Variants in TRDN observed in about 807,000 individuals in gnomAD.
TRDN encodes the protein triadin.
Under a neutral mutation model 149.7 loss-of-function variants are expected in TRDN, and 161 were observed. The observed-to-expected ratio is 1.08, with a 90% CI of 0.95 to 1.23. The LOEUF is 1.23. Ranked by LOEUF, TRDN falls within the 50% of genes most tolerant of loss-of-function variation. The pLI is 0.00. For missense variants in TRDN, 896 were observed against 823.5 expected (o/e 1.09, Z -1.08); for synonymous variants, 294 against 250.5 (o/e 1.17, Z -1.64).
At chr6:123,221,269 A>C (rs1441013962) in intron 40 of TRDN, among the ~76,000 whole-genome samples, 2 of 151,758 alleles carry the variant, frequency 1.3e-5, no homozygotes, top group African/African-American at 2.4e-5. Flanking sequence ...CACTTCAACC[A>C]TTACTTGTAA....
intron 12 of TRDN, among the ~76,000 whole-genome samples, chr6:123,426,613 CAT>C (rs1774128585): frequency 6.6e-6 from 1 of 152,114 alleles, no homozygotes. Flanking sequence ...ATTTGTATAA[CAT>C]ATATTTTCAC....
chr6:123,634,670 A>G (rs1405180489), intron 1 of TRDN, among the ~76,000 whole-genome samples: 2 of 152,026 alleles, frequency 1.3e-5, no homozygotes, highest in Non-Finnish European at 2.9e-5. Context: ...ATATCATCAA[A>G]GAATGACTGT....
chr6:123,365,828 G>T (rs1280989591), intron 20 of TRDN, among the ~76,000 whole-genome samples: 1 of 152,126 alleles, frequency 6.6e-6, no homozygotes, highest in Non-Finnish European at 1.5e-5. Context: ...GCAGTATGTT[G>T]CACTAGAATG....
chr6:123,606,740 A>G (rs1784546200), intron 1 of TRDN, among the ~76,000 whole-genome samples: 1 of 152,180 alleles, frequency 6.6e-6, no homozygotes, highest in Non-Finnish European at 1.5e-5. Context: ...AAAAACTTTT[A>G]TTATGTAGCA....
At chr6:123,585,404 A>T (rs1264442524) in intron 1 of TRDN, among the ~76,000 whole-genome samples, 1 of 152,066 alleles carries the variant, frequency 6.6e-6, no homozygotes, top group African/African-American at 2.4e-5. Flanking sequence ...GAGGCAAGGG[A>T]AACAGGCCCT....
intron 14 of TRDN, among the ~76,000 whole-genome samples, chr6:123,383,186 C>T (rs895856620): frequency 6.6e-5 from 10 of 152,078 alleles, no homozygotes; most frequent in African/African-American, 1.9e-4. Context: ...AGAAAGGGAA[C>T]TAAAATGTTT....
At chr6:123,398,818 C>A (rs567354047) in intron 12 of TRDN, among the ~76,000 whole-genome samples, 1 of 152,246 alleles carries the variant, frequency 6.6e-6, no homozygotes, top group Non-Finnish European at 1.5e-5. Context: ...GCCAGATATG[C>A]AAATTGCAAA....
At chr6:123,427,089 A>T (rs1774153450) in intron 12 of TRDN, among the ~76,000 whole-genome samples, 1 of 152,030 alleles carries the variant, frequency 6.6e-6, no homozygotes, top group East Asian at 1.9e-4. Flanking sequence ...ATTATTCCAC[A>T]TGTGTAATAA....
intron 9 of TRDN, among the ~76,000 whole-genome samples, chr6:123,496,357 T>C (rs1778447096): frequency 1.3e-5 from 2 of 151,700 alleles, no homozygotes; most frequent in African/African-American, 4.8e-5. Context: ...TACACATAAA[T>C]TATAATTATA....
intron 38 of TRDN, among the ~76,000 whole-genome samples, chr6:123,235,213 CAGAT>C (rs1236793216): frequency 2.0e-5 from 3 of 152,066 alleles, no homozygotes; most frequent in African/African-American, 7.2e-5. Context: ...ATCAGTCTCT[CAGAT>C]AGCCAATAGG....
chr6:123,382,045 CAA>C, intron 15 of TRDN, 71 bp downstream of exon 15: 1 of 1,112,012 alleles, frequency 9.0e-7, no homozygotes, highest in Non-Finnish European at 1.2e-6. Flanking sequence ...TCTTCTACAT[CAA>C]TCCTTTAAGA....
chr6:123,392,840 T>C (rs1772547522), intron 13 of TRDN, among the ~76,000 whole-genome samples: 1 of 152,182 alleles, frequency 6.6e-6, no homozygotes, highest in South Asian at 2.1e-4. Flanking sequence ...ATACATCATG[T>C]GATGTGCTAA....
intron 9 of TRDN, among the ~76,000 whole-genome samples, chr6:123,491,640 T>A (rs1434797663): frequency 2.0e-5 from 3 of 152,228 alleles, no homozygotes; most frequent in African/African-American, 4.8e-5. Context: ...CTTCATTGTA[T>A]ACTTATCAAG....
At chr6:123,595,302 A>T (rs1049994474) in intron 1 of TRDN, among the ~76,000 whole-genome samples, 2 of 152,088 alleles carry the variant, frequency 1.3e-5, no homozygotes, top group South Asian at 2.1e-4. Context: ...GTTCCCTATG[A>T]AACAGGATTT....
In TRDN at chr6:123,263,639, A is replaced by G. The variant is rs368996253; in HGVS notation, c.1804+1679T>C. On this transcript the variant is annotated intron_variant, in intron 33 of 40. Transcript: ENST00000334268. ...GTGAGACCCTGTCTTTAAAAGAACA[A>G]CAACAACTTAACAAATAGCCTTCTA... Among the ~76,000 whole-genome samples, 12 of 152,160 alleles carry G rather than the reference A, an allele frequency of 7.9e-5. 1 individual carries two copies. Among genetic ancestry groups the G allele is most frequent in the African/African-American group, 2.9e-4 (12 of 41,540 alleles).
In TRDN at chr6:123,561,193, C is replaced by T. The variant is rs560931531; in HGVS notation, c.232+9730G>A. On this transcript the variant is annotated intron_variant, in intron 2 of 40. Transcript: ENST00000334268. ...TTGGCCTTCCCATATCTATACAGTC[C>T]GATAGTGGACTGGTCTTTATTAGCC... Among the ~76,000 whole-genome samples the T allele has an allele frequency of 5.9e-5, 9 of 152,184 alleles. No homozygotes were observed. In the South Asian group the frequency reaches 6.2e-4, roughly 11 times the overall value.
chr6:123,570,615 G>A (rs1044193991), intron 2 of TRDN, among the ~76,000 whole-genome samples: 4 of 152,112 alleles, frequency 2.6e-5, no homozygotes, highest in African/African-American at 7.2e-5. Context: ...TAAAGTACCA[G>A]TTCCAAACGA....
At chr6:123,307,887 G>A (rs905335480) in intron 24 of TRDN, among the ~76,000 whole-genome samples, 3 of 151,798 alleles carry the variant, frequency 2.0e-5, no homozygotes, top group African/African-American at 7.3e-5. Context: ...GATTTAAAAG[G>A]TACATGTGCA....
intron 9 of TRDN, chr6:123,488,986 T>C (rs1278833524): frequency 6.6e-6 from 1 of 152,176 alleles, no homozygotes; most frequent in African/African-American, 2.4e-5. Context: ...TTCCATAGCC[T>C]GGTGGAGAGT....
Sources: gnomAD v4.1 joint callset for allele counts (sites outside exome capture counted in the v4.1 genomes callset) on GRCh38, gnomAD v4.1.1 for gene constraint, MANE v1.5 for transcripts, NCBI Gene and HGNC (gene_info 2026-07-23, HGNC 2026-07-21) for gene names.